The following DPYD variants were observed in gnomAD, a reference collection of about 807,000 sequenced individuals.
DPYD encodes the protein dihydropyrimidine dehydrogenase.
In DPYD, 109 loss-of-function variants were observed where a neutral mutation model predicts 116.2. The ratio of observed to expected loss-of-function variants is 0.94; its 90% CI spans 0.80 to 1.10. DPYD has a LOEUF of 1.10. Among genes scored for constraint, DPYD ranks in the 50% least tolerant of loss-of-function variants. DPYD has a pLI of 0.00. For synonymous variants in DPYD, 440 were observed against 432.0 expected, an observed-to-expected ratio of 1.02 and a Z score of -0.23; for missense variants, 1,302 against 1,254.5, an observed-to-expected ratio of 1.04 and a Z score of -0.57.
intron 12 of DPYD, among the ~76,000 whole-genome samples, chr1:97,529,438 A>C (rs79390450): frequency 5.3e-5 from 8 of 152,156 alleles, no homozygotes; most frequent in African/African-American, 1.9e-4. Context: ...TTGTTATTTA[A>C]ATATTAATAT....
intron 13 of DPYD, among the ~76,000 whole-genome samples, chr1:97,454,421 T>C (rs1676577276): frequency 6.6e-6 from 1 of 151,880 alleles, no homozygotes; most frequent in African/African-American, 2.4e-5. Flanking sequence ...TTAGCATTGC[T>C]TAAAGGAGTT....
At chr1:97,242,012 C>T (rs542490) in intron 18 of DPYD, among the ~76,000 whole-genome samples, 112,778 of 148,956 alleles carry the variant, frequency 0.76, 43,813 homozygotes, top group East Asian at 0.99. Context: ...ATTTCATTGG[C>T]TTCAAAATTA....
intron 3 of DPYD, among the ~76,000 whole-genome samples, chr1:97,801,639 G>GA (rs1395547684): frequency 1.3e-5 from 2 of 151,896 alleles, no homozygotes; most frequent in Non-Finnish European, 1.5e-5. Flanking sequence ...AACATTTGAG[G>GA]AAAGAACTGA....
chr1:97,846,200 T>C (rs1437305607), intron 2 of DPYD, among the ~76,000 whole-genome samples: 1 of 152,176 alleles, frequency 6.6e-6, no homozygotes, highest in Non-Finnish European at 1.5e-5. Context: ...AAGGATCACG[T>C]GACACTGGGA....
chr1:97,535,866 T>C (rs371469234), intron 12 of DPYD, among the ~76,000 whole-genome samples: 2 of 152,160 alleles, frequency 1.3e-5, no homozygotes, highest in Non-Finnish European at 2.9e-5. Context: ...TTATTAGGAA[T>C]ATAATTGTTA....
At chr1:97,431,924 GT>G in intron 14 of DPYD, among the ~76,000 whole-genome samples, 2 of 152,074 alleles carry the variant, frequency 1.3e-5, no homozygotes, top group East Asian at 3.9e-4. Context: ...CATGAGATCA[GT>G]TTTTTATCTC....
At chr1:97,082,725 T>C (rs1432377285) in intron 21 of DPYD, among the ~76,000 whole-genome samples, 3 of 152,110 alleles carry the variant, frequency 2.0e-5, no homozygotes, top group African/African-American at 7.2e-5. Context: ...GGTTTTTGAC[T>C]GGATAATTTA....
At chr1:97,385,767 C>A (rs897469468) in intron 14 of DPYD, among the ~76,000 whole-genome samples, 2 of 152,106 alleles carry the variant, frequency 1.3e-5, no homozygotes, top group Non-Finnish European at 2.9e-5. Flanking sequence ...CAGAAATCCA[C>A]AGCAGGGAAG....
intron 3 of DPYD, among the ~76,000 whole-genome samples, chr1:97,770,223 C>G (rs1023710821): frequency 1.3e-5 from 2 of 152,034 alleles, no homozygotes; most frequent in Non-Finnish European, 2.9e-5. Flanking sequence ...ACCATCGCAA[C>G]AATTAATTCA....
At chr1:97,546,829 C>G (rs536794417) in intron 12 of DPYD, 12 of 1,612,202 alleles carry the variant, frequency 7.4e-6, no homozygotes, top group African/African-American at 1.3e-5. Flanking sequence ...GTTGGAAGTT[C>G]ATGAGGCCAA....
At chr1:97,261,445 A>G (rs927896337) in intron 18 of DPYD, among the ~76,000 whole-genome samples, 1 of 147,110 alleles carries the variant, frequency 6.8e-6, no homozygotes, top group African/African-American at 2.5e-5. Flanking sequence ...GCTAGTGTGG[A>G]TGAAGTTATG....
chr1:97,094,347 G>C (rs570702743), intron 21 of DPYD, among the ~76,000 whole-genome samples: 1 of 152,196 alleles, frequency 6.6e-6, no homozygotes, highest in East Asian at 1.9e-4. Context: ...GATTAGATAA[G>C]GAGGACAAAA....
At chr1:97,771,382 C>A (rs1476527884) in intron 3 of DPYD, among the ~76,000 whole-genome samples, 2 of 152,176 alleles carry the variant, frequency 1.3e-5, no homozygotes, top group South Asian at 4.1e-4. Flanking sequence ...GTAAAAAATA[C>A]TTCTGCCTTT....
intron 3 of DPYD, among the ~76,000 whole-genome samples, chr1:97,816,163 C>T (rs1668595161): frequency 6.6e-6 from 1 of 151,570 alleles, no homozygotes; most frequent in Admixed American, 6.6e-5. Context: ...CCTCATACTC[C>T]TTGTGACTCA....
At chr1:97,850,671 C>G (rs1403424537) in intron 2 of DPYD, among the ~76,000 whole-genome samples, 1 of 151,962 alleles carries the variant, frequency 6.6e-6, no homozygotes, top group Non-Finnish European at 1.5e-5. Flanking sequence ...GATAAAAACA[C>G]AGGAGATCAC....
intron 14 of DPYD, among the ~76,000 whole-genome samples, chr1:97,385,322 A>AGAGAGAGAT (rs1308249501): frequency 7.7e-6 from 1 of 129,102 alleles, no homozygotes; most frequent in Non-Finnish European, 1.6e-5. Context: ...AAAAAAAGAG[A>AGAGAGAGAT]GAGAGAGATT....
chr1:97,449,363 G>A (rs1676270280), intron 14 of DPYD, among the ~76,000 whole-genome samples: 1 of 151,962 alleles, frequency 6.6e-6, no homozygotes, highest in Non-Finnish European at 1.5e-5. Context: ...TTGAGGAGGA[G>A]GGAGGGGAAA....
At chr1:97,226,647 C>T (rs543992413) in intron 19 of DPYD, among the ~76,000 whole-genome samples, 29 of 152,114 alleles carry the variant, frequency 1.9e-4, no homozygotes, top group African/African-American at 5.8e-4. Context: ...AAAATAAACA[C>T]TTAGCGATAA....
intron 3 of DPYD, among the ~76,000 whole-genome samples, chr1:97,793,911 TTGTTG>T (rs1667440394): frequency 2.0e-5 from 3 of 152,064 alleles, no homozygotes; most frequent in Admixed American, 1.3e-4. Flanking sequence ...AAACACCTGG[TTGTTG>T]TGTTTGTTTG....
Sources: allele counts gnomAD v4.1 joint callset (sites outside exome capture counted in the v4.1 genomes callset), GRCh38; gene constraint gnomAD v4.1.1; transcripts MANE v1.5; gene names NCBI Gene and HGNC (gene_info 2026-07-23, HGNC 2026-07-21).